The following ACTA2 variants were observed in gnomAD, a reference collection of about 807,000 sequenced individuals.
The protein encoded by ACTA2 is actin, aortic smooth muscle.
Under a neutral mutation model 39.5 loss-of-function variants are expected in ACTA2, and 12 were observed. The observed-to-expected ratio is 0.30, with a 90% CI of 0.19 to 0.49. The LOEUF (loss-of-function observed/expected upper bound fraction) is 0.49. ACTA2 is among the 20% of genes least tolerant of loss of function. The pLI is 0.99. For synonymous variants in ACTA2, 158 were observed against 180.6 expected (o/e 0.88, Z 1.00); for missense variants, 236 against 498.8 (o/e 0.47, Z 5.02).
chr10:88,962,890 G>T (rs961320785), intron 1 of ACTA2, among the ~76,000 whole-genome samples: 1 of 128,048 alleles, frequency 7.8e-6, no homozygotes, highest in Non-Finnish European at 1.6e-5. Context: ...GCAGGCAAGA[G>T]AGTGAGTGCA....
At chr10:88,985,190 A>G (rs988527995) in intron 1 of ACTA2, among the ~76,000 whole-genome samples, 1 of 152,188 alleles carries the variant, frequency 6.6e-6, no homozygotes, top group African/African-American at 2.4e-5. Flanking sequence ...CAGGTGAGAA[A>G]ACTGATGCTG....
intron 6 of ACTA2, 154 bp from the exon 7 acceptor site, chr10:88,939,852 C>A: frequency 1.3e-6 from 1 of 763,408 alleles, no homozygotes; most frequent in Non-Finnish European, 2.2e-6. Context: ...ATGATAATGA[C>A]GTAGTAGGGC....
intron 1 of ACTA2, among the ~76,000 whole-genome samples, chr10:88,970,403 T>C (rs1414993960): frequency 6.6e-6 from 1 of 152,140 alleles, no homozygotes; most frequent in Non-Finnish European, 1.5e-5. Context: ...GACTTCCATT[T>C]CACTTTTATC....
chr10:88,991,223 G>C, exon 1 of ACTA2: 3 of 539,614 alleles, frequency 5.6e-6, no homozygotes, highest in Non-Finnish European at 1.0e-5. Context: ...GTGGGCGTGG[G>C]GTGCGGACAG....
intron 1 of ACTA2, among the ~76,000 whole-genome samples, chr10:88,958,467 T>C (rs1218904180): frequency 6.6e-6 from 1 of 152,178 alleles, no homozygotes; most frequent in African/African-American, 2.4e-5. Flanking sequence ...CCAAATAACT[T>C]GCATGGCCCC....
chr10:88,970,704 C>T (rs909545974), intron 1 of ACTA2, among the ~76,000 whole-genome samples: 4 of 152,074 alleles, frequency 2.6e-5, no homozygotes, highest in African/African-American at 9.7e-5. Flanking sequence ...GAACATCACA[C>T]ACCGGGGCCT....
upstream of ACTA2, among the ~76,000 whole-genome samples, chr10:88,953,330 G>C (rs1589403783): frequency 6.6e-6 from 1 of 152,310 alleles, no homozygotes; most frequent in East Asian, 1.9e-4. Flanking sequence ...GAGGTGAGTG[G>C]AAATAGGAAT....
intron 1 of ACTA2, chr10:88,975,150 G>T (rs944617940): frequency 1.0e-4 from 12 of 115,556 alleles, no homozygotes; most frequent in Non-Finnish European, 2.2e-4. Flanking sequence ...TGCTGTCAAC[G>T]ATTAAAAAAA....
chr10:88,991,281 C>T (rs1220158353), exon 1 of ACTA2: 3 of 424,792 alleles, frequency 7.1e-6, no homozygotes, highest in African/African-American at 4.1e-5. Flanking sequence ...GGAGGGGGAC[C>T]CCGGTTGGAG....
chr10:88,981,382 A>G (rs1846706893), intron 1 of ACTA2, among the ~76,000 whole-genome samples: 1 of 94,268 alleles, frequency 1.1e-5, no homozygotes, highest in African/African-American at 4.8e-5. Flanking sequence ...GAGAGAAATG[A>G]CTTTTTTTTT....
At chr10:88,973,438 C>T (rs1420734162) in intron 1 of ACTA2, 7 of 1,092,766 alleles carry the variant, frequency 6.4e-6, no homozygotes, top group Non-Finnish European at 1.2e-6. Flanking sequence ...ATTATCTCTG[C>T]CTTTCCTTTC....
chr10:88,940,371 A>G (rs1351390076), intron 6 of ACTA2: 1 of 156,252 alleles, frequency 6.4e-6, no homozygotes, highest in Admixed American at 6.1e-5. Context: ...GGAACCTTTT[A>G]GAGGCATCTT....
intron 7 of ACTA2, 41 bp downstream of exon 7, chr10:88,939,466 C>A (rs569428822): frequency 6.2e-7 from 1 of 1,609,500 alleles, no homozygotes; most frequent in African/African-American, 1.3e-5. Context: ...TGGAAGAAGA[C>A]AATGACTCCC....
At chr10:88,938,800 A>G (rs1589392124) in intron 7 of ACTA2, among the ~76,000 whole-genome samples, 4 of 152,264 alleles carry the variant, frequency 2.6e-5, no homozygotes, top group Admixed American at 2.6e-4. Flanking sequence ...AAAAACCTCT[A>G]GGTGCCCTTT....
At chr10:88,972,202 C>T (rs1011881615) in intron 1 of ACTA2, among the ~76,000 whole-genome samples, 5 of 152,170 alleles carry the variant, frequency 3.3e-5, no homozygotes, top group Non-Finnish European at 7.3e-5. Flanking sequence ...CCACCACGCC[C>T]AGCCAGGGAC....
At chr10:88,946,836 G>T (rs942596298) in intron 3 of ACTA2, 2 of 201,662 alleles carry the variant, frequency 9.9e-6, no homozygotes, top group African/African-American at 4.7e-5. Context: ...TTGGTGTGCT[G>T]CACCCATTAA....
intron 1 of ACTA2, among the ~76,000 whole-genome samples, chr10:88,970,936 C>A (rs999820574): frequency 5.3e-5 from 8 of 151,656 alleles, no homozygotes; most frequent in Non-Finnish European, 1.0e-4. Context: ...ATTTATACAT[C>A]CAAAAACTGA....
chr10:88,951,511 A>T (rs1846049333), intron 1 of ACTA2, among the ~76,000 whole-genome samples: 1 of 149,060 alleles, frequency 6.7e-6, no homozygotes, highest in Non-Finnish European at 1.5e-5. Context: ...AAAAAAAAAG[A>T]AAAAGAAAAA....
At position 88,935,310 on chromosome 10, in the gene ACTA2, G is replaced by A. The variant is rs111352790; in HGVS notation, c.1047C>T (p.Ala349=). 31 of 1,613,984 alleles carry A rather than the reference G, an allele frequency of 1.9e-5. 1 individual carries two copies. In the African/African-American group the frequency reaches 2.7e-4, roughly 14 times the overall value. The change falls in exon 9 of 9, where the codon GCC becomes GCT. Residue 349 remains alanine, a synonymous_variant. Coordinates refer to ENST00000224784, the MANE Select transcript of ACTA2 (RefSeq NM_001613.4). ...YSVWIGGSIL[A]SLSTFQQMWI... ...ACATCTGCTGGAAGGTGGACAGAGAGGCCAGGATGGAGCCACCGATCCAGA... is the reference window on the plus strand; with the variant it reads ...ACATCTGCTGGAAGGTGGACAGAGAAGCCAGGATGGAGCCACCGATCCAGA...
Sources: allele counts gnomAD v4.1 joint callset (sites outside exome capture counted in the v4.1 genomes callset), GRCh38; gene constraint gnomAD v4.1.1; transcripts MANE v1.5; gene names NCBI Gene and HGNC (gene_info 2026-07-23, HGNC 2026-07-21).